MUC22: variants seen among roughly 807,000 people sequenced by gnomAD.
MUC22 encodes the protein mucin-22.
Under a neutral mutation model 40.3 loss-of-function variants are expected in MUC22, and 24 were observed. The observed-to-expected ratio is 0.60, with a 90% CI of 0.43 to 0.84. MUC22 has a LOEUF of 0.84. MUC22 is among the 40% of genes least tolerant of loss of function. The probability of loss-of-function intolerance (pLI) is 0.00; values close to 1 mark genes in which losing one functional copy is unlikely to be tolerated. For missense variants in MUC22, 1,926 were observed against 2,130.7 expected (o/e 0.90, Z 1.89); for synonymous variants, 765 against 844.5 (o/e 0.91, Z 1.63).
intron 1 of MUC22, among the ~76,000 whole-genome samples, chr6:31,016,696 T>C (rs938919596): frequency 6.6e-6 from 1 of 152,264 alleles, no homozygotes. Context: ...CTGGCTGCGC[T>C]TGAGGGGCCC....
chr6:31,014,766 C>T (rs978353478), intron 1 of MUC22, among the ~76,000 whole-genome samples: 14 of 152,152 alleles, frequency 9.2e-5, no homozygotes, highest in South Asian at 4.1e-4. Context: ...ATGGTTCTTC[C>T]GTCTTCAACA....
exon 4 of MUC22, chr6:31,035,104 C>A (rs1766360124): frequency 1.3e-6 from 1 of 747,874 alleles, no homozygotes; most frequent in Non-Finnish European, 2.1e-6. Flanking sequence ...TAGGAAGCTT[C>A]CCAGGATGTG....
At chr6:31,028,561 A>G in exon 2 of MUC22, 1 of 1,533,984 alleles carries the variant, frequency 6.5e-7, no homozygotes, top group Non-Finnish European at 8.7e-7. Flanking sequence ...AGGCTCTGAG[A>G]CCACCAAGGT....
intron 1 of MUC22, among the ~76,000 whole-genome samples, chr6:31,022,598 G>C (rs1764947861): frequency 6.6e-6 from 1 of 151,910 alleles, no homozygotes; most frequent in Non-Finnish European, 1.5e-5. Context: ...TAATATACTT[G>C]AGTAATAATG....
At chr6:31,021,669 TCTAA>T (rs1262612904) in intron 1 of MUC22, among the ~76,000 whole-genome samples, 2 of 151,928 alleles carry the variant, frequency 1.3e-5, no homozygotes, top group African/African-American at 2.4e-5. Context: ...ATATTCTGTA[TCTAA>T]CTAATCTGAT....
exon 2 of MUC22, chr6:31,030,043 G>A: frequency 1.3e-6 from 2 of 1,535,644 alleles, no homozygotes; most frequent in Non-Finnish European, 8.7e-7. Context: ...CACCACGTTT[G>A]TACTCACCAA....
At chr6:31,017,180 T>C (rs1450775621) in intron 1 of MUC22, among the ~76,000 whole-genome samples, 1 of 152,132 alleles carries the variant, frequency 6.6e-6, no homozygotes, top group Admixed American at 6.5e-5. Flanking sequence ...GGCTGAGGAG[T>C]ACTGGCGCAC....
upstream of MUC22, among the ~76,000 whole-genome samples, chr6:31,009,442 C>G (rs919026104): frequency 6.6e-6 from 1 of 152,172 alleles, no homozygotes; most frequent in African/African-American, 2.4e-5. Context: ...TCTTATCACC[C>G]CAGAAGCCTC....
intron 1 of MUC22, among the ~76,000 whole-genome samples, chr6:31,015,530 C>A (rs928620794): frequency 1.3e-5 from 2 of 152,124 alleles, no homozygotes; most frequent in African/African-American, 4.8e-5. Flanking sequence ...ATGGGCCCAG[C>A]TGTCCATAGA....
exon 2 of MUC22, chr6:31,027,115 G>C (rs1765457387): frequency 6.7e-7 from 1 of 1,495,370 alleles, no homozygotes; most frequent in Admixed American, 2.1e-5. Context: ...CTCTACCATA[G>C]GCCCTGAGAC....
chr6:31,021,957 G>A (rs1421248278), intron 1 of MUC22, among the ~76,000 whole-genome samples: 3 of 152,034 alleles, frequency 2.0e-5, no homozygotes, highest in African/African-American at 7.2e-5. Context: ...TCACCGTAAA[G>A]GTCTGCAGCT....
intron 1 of MUC22, among the ~76,000 whole-genome samples, chr6:31,018,783 T>C (rs4585609): frequency 0.38 from 58,204 of 152,206 alleles, 11,577 homozygotes; most frequent in East Asian, 0.49. Context: ...ATCAATTCAG[T>C]TAACTGCCAT....
chr6:31,022,406 C>T (rs1221782931), intron 1 of MUC22, among the ~76,000 whole-genome samples: 1 of 152,144 alleles, frequency 6.6e-6, no homozygotes, highest in Non-Finnish European at 1.5e-5. Flanking sequence ...ATCTGCCTGC[C>T]TCTGCTTCCC....
intron 1 of MUC22, among the ~76,000 whole-genome samples, chr6:31,021,846 G>C (rs989848021): frequency 2.6e-5 from 4 of 152,110 alleles, no homozygotes; most frequent in African/African-American, 9.7e-5. Flanking sequence ...ACCTGCTTGG[G>C]TCGTTTTCCA....
intron 2 of MUC22, among the ~76,000 whole-genome samples, chr6:31,030,386 GGGCACCTGTAGTCCCA>G (rs1433913908): frequency 6.6e-6 from 1 of 151,978 alleles, no homozygotes; most frequent in East Asian, 1.9e-4. Context: ...GCGTGGTGGC[GGGCACCTGTAGTCCCA>G]GCTACTCGGA....
At position 31,032,515 on chromosome 6, in the gene MUC22, C is replaced by T; in HGVS notation, c.4989C>T (p.Ile1663=). Residue 1663 remains isoleucine (I), a synonymous_variant, in exon 3 of 4, where the codon ATC becomes ATT. Coordinates refer to ENST00000561890, the Ensembl canonical transcript of MUC22. This position sits in a 1 kb window ranked among gnomAD's most constrained non-coding sequence, Gnocchi z 4.1. ...GTGGATATTTACAGCCCTGGGCTAT[C>T]ATCCTCATTTCCCTGGCTGCAGTTG... The T allele has an allele frequency of 1.3e-6, 2 of 1,535,720 alleles. No individual in the cohort carries two copies. The highest frequency in any genetic ancestry group is 1.7e-6 in the Non-Finnish European group (2 of 1,146,906).
intron 1 of MUC22, among the ~76,000 whole-genome samples, chr6:31,017,579 C>A (rs1291409260): frequency 6.6e-6 from 1 of 152,272 alleles, no homozygotes; most frequent in East Asian, 1.9e-4. Flanking sequence ...CTGTGTCTCG[C>A]TCAAGGTTTG....
intron 1 of MUC22, among the ~76,000 whole-genome samples, chr6:31,018,933 G>T (rs932547682): frequency 2.1e-5 from 3 of 143,052 alleles, no homozygotes; most frequent in African/African-American, 7.9e-5. Flanking sequence ...GCCAGAGCTT[G>T]GTCCAGCGCC....
chr6:31,015,576 CA>C (rs74569400), intron 1 of MUC22, among the ~76,000 whole-genome samples: 18,154 of 152,032 alleles, frequency 0.12, 1,263 homozygotes, highest in African/African-American at 0.17. Context: ...TCCACCCTCA[CA>C]TTTGACTCAT....
Sources: gnomAD v4.1 joint callset for allele counts (sites outside exome capture counted in the v4.1 genomes callset) on GRCh38, gnomAD v4.1.1 for gene constraint, Gnocchi (gnomAD v3.1) non-coding constraint, MANE v1.5 for transcripts, NCBI Gene and HGNC (gene_info 2026-07-23, HGNC 2026-07-21) for gene names.